The following PPP2R2C variants were observed in gnomAD, a reference collection of about 807,000 sequenced individuals.
The protein encoded by PPP2R2C is protein phosphatase 2, regulatory subunit B, gamma.
In PPP2R2C, 10 loss-of-function variants were observed where a neutral mutation model predicts 45.3. The observed-to-expected ratio is 0.22, with a 90% CI of 0.14 to 0.37. The LOEUF (loss-of-function observed/expected upper bound fraction) is 0.37. PPP2R2C is among the 10% of genes least tolerant of loss of function. PPP2R2C has a pLI of 1.00. For missense variants in PPP2R2C, 308 were observed against 619.7 expected (o/e 0.50, Z 5.34); for synonymous variants, 257 against 245.4 (o/e 1.05, Z -0.44).
At chr4:6,417,208 C>A (rs1243053756) in intron 1 of PPP2R2C, among the ~76,000 whole-genome samples, 2 of 152,032 alleles carry the variant, frequency 1.3e-5, no homozygotes, top group Non-Finnish European at 2.9e-5. Flanking sequence ...CTTGCAGACC[C>A]CACGAGGAGG....
chr4:6,509,819 G>A (rs1044904398), intron 2 of PPP2R2C, among the ~76,000 whole-genome samples: 2 of 152,158 alleles, frequency 1.3e-5, no homozygotes, highest in Non-Finnish European at 2.9e-5. Flanking sequence ...GATCACAATG[G>A]CACCCACCTT....
intron 1 of PPP2R2C, among the ~76,000 whole-genome samples, chr4:6,545,217 C>A (rs1724939012): frequency 2.6e-5 from 4 of 152,214 alleles, no homozygotes; most frequent in Admixed American, 2.6e-4. Flanking sequence ...AAATTCATTT[C>A]AGAAGTTCTA....
chr4:6,476,842 G>A (rs12644113), upstream of PPP2R2C, among the ~76,000 whole-genome samples: 68,002 of 151,988 alleles, frequency 0.45, 15,912 homozygotes, highest in African/African-American at 0.57. Context: ...TCATTGTTGT[G>A]TAATATTCTA....
chr4:6,376,086 G>A (rs756101185), intron 3 of PPP2R2C, among the ~76,000 whole-genome samples, 155 bp from the exon 4 acceptor site: 3 of 152,212 alleles, frequency 2.0e-5, no homozygotes, highest in South Asian at 2.1e-4. Flanking sequence ...GCTCTGTCTC[G>A]AGGCCTCCAG....
At chr4:6,458,518 A>G (rs1395486545) in intron 1 of PPP2R2C, among the ~76,000 whole-genome samples, 1 of 152,136 alleles carries the variant, frequency 6.6e-6, no homozygotes, top group African/African-American at 2.4e-5. Flanking sequence ...CATCACTCCC[A>G]AAGTCCCCAC....
intron 1 of PPP2R2C, among the ~76,000 whole-genome samples, chr4:6,410,115 C>G (rs1183844610): frequency 6.6e-6 from 1 of 152,182 alleles, no homozygotes; most frequent in African/African-American, 2.4e-5. Context: ...AAGCAGGATC[C>G]CACACCTCAG....
At chr4:6,377,534 C>T (rs1408865840) in intron 3 of PPP2R2C, among the ~76,000 whole-genome samples, 7 of 152,126 alleles carry the variant, frequency 4.6e-5, no homozygotes, top group Non-Finnish European at 7.4e-5. Context: ...TGTTGGACGC[C>T]TGTAATTCCA....
rs774387666 is a variant in PPP2R2C at position 6,381,024 on chromosome 4, C to T, written c.141G>A (p.Arg47=). ...ELLATGDKGG[R]VVIFQREPES... is the part of the protein sequence containing the mutation. ...CTGGTTCCCGCTGGAAGATGACGACCCGGCCGCCCTTGTCACCTGTGGCCA... is the reference window on the plus strand; with the variant it reads ...CTGGTTCCCGCTGGAAGATGACGACTCGGCCGCCCTTGTCACCTGTGGCCA... Residue 47 remains arginine (R), a synonymous_variant, in exon 2 of 9, where the codon CGG becomes CGA. Transcript: ENST00000382599. The T allele has an allele frequency of 5.1e-6, 8 of 1,553,496 alleles. No homozygotes were observed. The East Asian group carries it at 1.6e-4, about 31-fold the overall frequency.
intron 5 of PPP2R2C, among the ~76,000 whole-genome samples, chr4:6,362,047 A>AG (rs879553915): frequency 6.7e-6 from 1 of 148,422 alleles, no homozygotes; most frequent in Non-Finnish European, 1.5e-5. Context: ...GGAGGGGGTG[A>AG]GGGGGTTGAA....
chr4:6,438,815 C>T (rs1720014896), intron 1 of PPP2R2C, among the ~76,000 whole-genome samples: 1 of 152,204 alleles, frequency 6.6e-6, no homozygotes, highest in African/African-American at 2.4e-5. Flanking sequence ...GCCTGATTTG[C>T]TGGTTTTCCA....
intron 2 of PPP2R2C, among the ~76,000 whole-genome samples, chr4:6,511,654 A>G (rs1320848040): frequency 4.2e-3 from 17 of 4,086 alleles, no homozygotes; most frequent in African/African-American, 0.011. Context: ...GGTGGTGGTG[A>G]TGGTGGTGGT....
intron 1 of PPP2R2C, among the ~76,000 whole-genome samples, chr4:6,444,247 T>C (rs982664671): frequency 6.6e-6 from 1 of 152,174 alleles, no homozygotes; most frequent in Non-Finnish European, 1.5e-5. Flanking sequence ...CAAGGGTCCT[T>C]TGACACCATT....
At chr4:6,526,918 C>T (rs921080312) in intron 2 of PPP2R2C, among the ~76,000 whole-genome samples, 2 of 149,920 alleles carry the variant, frequency 1.3e-5, no homozygotes, top group Non-Finnish European at 3.0e-5. Context: ...TTTGTTACAG[C>T]CCTGCCACCC....
chr4:6,555,972 A>G (rs542805527), intron 1 of PPP2R2C, among the ~76,000 whole-genome samples: 4 of 152,124 alleles, frequency 2.6e-5, no homozygotes, highest in African/African-American at 9.6e-5. Context: ...TCTCTGCCCT[A>G]TTTTGTGTGT....
At chr4:6,440,493 CA>C (rs1720101236) in intron 1 of PPP2R2C, among the ~76,000 whole-genome samples, 1 of 152,196 alleles carries the variant, frequency 6.6e-6, no homozygotes, top group African/African-American at 2.4e-5. Flanking sequence ...GCTCCCTCAG[CA>C]CCATGGCACT....
intron 1 of PPP2R2C, among the ~76,000 whole-genome samples, chr4:6,560,359 T>A (rs1170075271): frequency 6.6e-6 from 1 of 152,236 alleles, no homozygotes; most frequent in East Asian, 1.9e-4. Flanking sequence ...TTTGCTTTTT[T>A]TCTGACAGCA....
chr4:6,472,024 G>C, intron 1 of PPP2R2C, 136 bp downstream of exon 1: 1 of 1,074,968 alleles, frequency 9.3e-7, no homozygotes, highest in Non-Finnish European at 1.3e-6. Context: ...GTGGGGTGGG[G>C]TGGGATGGGG....
chr4:6,502,849 C>T (rs1204888614), intron 2 of PPP2R2C, among the ~76,000 whole-genome samples: 2 of 152,146 alleles, frequency 1.3e-5, no homozygotes, highest in Admixed American at 6.5e-5. Flanking sequence ...TTGGAGATGT[C>T]CTGGATGCCT....
chr4:6,507,936 C>T (rs10755149), intron 2 of PPP2R2C, among the ~76,000 whole-genome samples: 9 of 151,874 alleles, frequency 5.9e-5, no homozygotes, highest in Admixed American at 2.0e-4. Context: ...AATCCTTAGA[C>T]GACAAATCAA....
Sources: allele counts gnomAD v4.1 joint callset (sites outside exome capture counted in the v4.1 genomes callset), GRCh38; gene constraint gnomAD v4.1.1; transcripts MANE v1.5; gene names NCBI Gene and HGNC (gene_info 2026-07-23, HGNC 2026-07-21).